FKBP9: variants seen among roughly 807,000 people sequenced by gnomAD.
The protein encoded by FKBP9 is FKBP prolyl isomerase 9.
Under a neutral mutation model 55.6 loss-of-function variants are expected in FKBP9, and 27 were observed. That is an observed-to-expected ratio of 0.49 (90% confidence interval 0.36 to 0.67). The LOEUF (loss-of-function observed/expected upper bound fraction) is 0.67, where lower values mean the gene tolerates loss of function less well. Among genes scored for constraint, FKBP9 ranks in the 30% least tolerant of loss-of-function variants. The pLI, the probability that FKBP9 is intolerant of heterozygous loss-of-function variation, is 0.00. For missense variants in FKBP9, 539 were observed against 742.8 expected, an observed-to-expected ratio of 0.73 and a Z score of 3.19; for synonymous variants, 267 against 296.5, an observed-to-expected ratio of 0.90 and a Z score of 1.02.
intron 1 of FKBP9, among the ~76,000 whole-genome samples, chr7:32,965,872 C>CATAT (rs375541462): frequency 6.8e-5 from 5 of 73,406 alleles, no homozygotes; most frequent in Admixed American, 1.7e-4. Flanking sequence ...TATATACATA[C>CATAT]ATATATATAT....
At chr7:32,959,413 CAAAACAA>C (rs1428084861) in intron 1 of FKBP9, among the ~76,000 whole-genome samples, 4 of 152,036 alleles carry the variant, frequency 2.6e-5, no homozygotes, top group Non-Finnish European at 4.4e-5. Flanking sequence ...AAAAACAAAA[CAAAACAA>C]AAAACAAAAA....
chr7:33,000,785 CT>C (rs139609619), intron 8 of FKBP9, among the ~76,000 whole-genome samples: 6 of 149,196 alleles, frequency 4.0e-5, no homozygotes, highest in South Asian at 2.1e-4. Flanking sequence ...GATTCAATAA[CT>C]TTTTTTTTTT....
At chr7:32,991,427 G>A (rs1481409006) in intron 6 of FKBP9, among the ~76,000 whole-genome samples, 1 of 152,160 alleles carries the variant, frequency 6.6e-6, no homozygotes, top group African/African-American at 2.4e-5. Context: ...TGGCCTCTTT[G>A]TGGGGGTTAC....
chr7:32,976,795 G>A (rs1448121912), intron 4 of FKBP9, among the ~76,000 whole-genome samples: 1 of 152,188 alleles, frequency 6.6e-6, no homozygotes, highest in East Asian at 1.9e-4. Flanking sequence ...CTATTTGACA[G>A]TGCTAGTCTG....
chr7:32,957,577 G>A lies in FKBP9; in HGVS notation c.4G>A (p.Ala2Thr), dbSNP rs1004557247. Residue 2 changes from alanine (A) to threonine (T), a missense_variant, in exon 1 of 10, where the codon GCG (alanine) becomes ACG (threonine). By Grantham distance (58) the Ala-to-Thr change is moderately conservative. Transcript: ENST00000242209. Reference sequence around the variant, plus strand: ...CGCCACTCTTCTCGCCGCCCCGATGGCGTTCCGGGGCTGGAGGCCCCCGCC... The same window carrying A: ...CGCCACTCTTCTCGCCGCCCCGATGACGTTCCGGGGCTGGAGGCCCCCGCC... The part of the protein sequence containing the change: M[A>T]FRGWRPPPPP... 3 of 1,464,360 alleles carry A rather than the reference G, an allele frequency of 2.0e-6. No homozygotes were observed. The highest frequency in any genetic ancestry group is 3.0e-5 in the African/African-American group (2 of 67,748). The allele number at this position is 1,464,360 out of a possible 1,614,324, so 90.7% of individuals were successfully genotyped here.
rs1373992928 is a variant in FKBP9 at position 32,991,462 on chromosome 7, G to A, written c.1039+2810G>A. ...CATAGGAGCTCGTGCTGATCCCTGA[G>A]GGGCTGACCCGAGAGGGGTCAGGAT... On this transcript the variant is annotated intron_variant, in intron 6 of 9. Transcript: ENST00000242209. 2.0e-5 allele frequency among the ~76,000 whole-genome samples: 3 copies of A among 152,226 alleles called. No homozygotes were observed. In the East Asian group the frequency reaches 5.8e-4, roughly 29 times the overall value.
chr7:32,996,422 T>G (rs927834255), intron 7 of FKBP9, 73 bp downstream of exon 7: 82 of 954,136 alleles, frequency 8.6e-5, no homozygotes, highest in Non-Finnish European at 1.1e-4. Flanking sequence ...TCCTCCTCTC[T>G]TGGGTAGATG....
intron 6 of FKBP9, among the ~76,000 whole-genome samples, chr7:32,993,475 T>C (rs1291418871): frequency 6.6e-6 from 1 of 152,238 alleles, no homozygotes; most frequent in Non-Finnish European, 1.5e-5. Context: ...TCTTTCTGTG[T>C]CTGTCTTATT....
chr7:33,003,585 C>T (rs994284974), intron 9 of FKBP9, among the ~76,000 whole-genome samples: 1 of 152,216 alleles, frequency 6.6e-6, no homozygotes, highest in African/African-American at 2.4e-5. Context: ...GCCTCTGAGC[C>T]TGACCTTGCC....
chr7:32,966,440 G>T (rs1002274686), intron 1 of FKBP9, among the ~76,000 whole-genome samples: 8 of 152,248 alleles, frequency 5.3e-5, no homozygotes, highest in African/African-American at 1.9e-4. Context: ...GGAGGGTGTT[G>T]GATGTGCTAG....
chr7:32,961,173 A>G (rs1466162908), intron 1 of FKBP9, among the ~76,000 whole-genome samples: 2 of 152,302 alleles, frequency 1.3e-5, no homozygotes, highest in Non-Finnish European at 2.9e-5. Flanking sequence ...TTAGGATGGA[A>G]TCCTGGTATG....
At chr7:32,990,645 A>T (rs898726650) in intron 6 of FKBP9, among the ~76,000 whole-genome samples, 1 of 152,212 alleles carries the variant, frequency 6.6e-6, no homozygotes, top group Non-Finnish European at 1.5e-5. Context: ...CTCTTCACCT[A>T]ATTTGTGGTG....
Position 32,996,328 on chromosome 7 carries a change from A to G in FKBP9, c.1205A>G (p.Asp402Gly), listed in dbSNP as rs974489081. The part of the protein sequence containing the change: ...LKYHYNASLL[D>G]GTLLDSTWNL... ...TATCACTACAATGCCTCACTTCTGG[A>G]TGGGACCCTGCTGGACTCCACGTAA... The change falls in exon 7 of 10, where the codon GAT becomes GGT. Residue 402 changes from aspartate to glycine, a missense_variant. By Grantham distance (94) the Asp-to-Gly change is moderately conservative. Coordinates refer to ENST00000242209, the MANE Select transcript of FKBP9 (RefSeq NM_007270.5). The G allele has an allele frequency of 8.1e-6, 13 of 1,613,542 alleles. No individual in the cohort carries two copies. The highest frequency in any genetic ancestry group is 1.3e-5 in the African/African-American group (1 of 74,900).
chr7:32,971,377 A>C (rs566997121), intron 1 of FKBP9, among the ~76,000 whole-genome samples: 1 of 152,346 alleles, frequency 6.6e-6, no homozygotes, highest in South Asian at 2.1e-4. Context: ...TTTGGTGCTT[A>C]ATTGTTCACA....
At chr7:32,993,384 C>T (rs1195140170) in intron 6 of FKBP9, among the ~76,000 whole-genome samples, 1 of 152,190 alleles carries the variant, frequency 6.6e-6, no homozygotes, top group African/African-American at 2.4e-5. Flanking sequence ...TCCTATCAAC[C>T]TCTGACAACC....
intron 1 of FKBP9, among the ~76,000 whole-genome samples, chr7:32,965,834 T>TGTGTACAC (rs1169736796): frequency 6.9e-4 from 37 of 53,588 alleles, no homozygotes; most frequent in East Asian, 2.8e-3. Flanking sequence ...TATATATATA[T>TGTGTACAC]ATATATATAT....
In FKBP9 at chr7:32,975,220, G is replaced by A. The variant is rs375139220; in HGVS notation, c.406G>A (p.Val136Ile). The A allele has an allele frequency of 1.9e-6, 3 of 1,613,694 alleles. No individual in the cohort carries two copies. Among genetic ancestry groups the A allele is most frequent in the South Asian group, 1.1e-5 (1 of 91,070 alleles). ...IPPNSVLHFD[V>I]LLMDIWNSED... is the part of the protein sequence containing the mutation. Reference sequence around the variant, plus strand: ...CCCCAATTCAGTGCTTCATTTTGATGTACTTCTGATGGATATTTGGAATTC... The same window carrying A: ...CCCCAATTCAGTGCTTCATTTTGATATACTTCTGATGGATATTTGGAATTC... Residue 136 changes from valine (V) to isoleucine (I), a missense_variant, in exon 3 of 10, where the codon GTA (valine) becomes ATA (isoleucine). Coordinates refer to ENST00000242209, the MANE Select transcript of FKBP9 (RefSeq NM_007270.5).
chr7:32,957,820 G>T (rs373970328), intron 1 of FKBP9, 26 bp downstream of exon 1: 1 of 1,407,638 alleles, frequency 7.1e-7, no homozygotes, highest in Non-Finnish European at 9.3e-7. Context: ...CGCCCGGCGC[G>T]GCCTCAGCGG....
chr7:32,980,451 A>G lies in FKBP9; in HGVS notation c.791A>G (p.Asn264Ser), dbSNP rs776747559. Residue 264 changes from asparagine (N) to serine (S), a missense_variant, in exon 5 of 10, where the codon AAC (asparagine) becomes AGC (serine). By Grantham distance (46) the Asn-to-Ser change is conservative. Around this residue, in one of 4 missense-constraint regions of FKBP9, gnomAD observed 172 missense variants for 205.3 expected, o/e 0.84. Coordinates refer to ENST00000242209, the MANE Select transcript of FKBP9 (RefSeq NM_007270.5). ...CCCAAGGACAGCATTTCCATTGAGA[A>G]CAAGGTAGTACCTGAAAACTGTGAG... The part of the protein sequence containing the change: ...HNPKDSISIE[N>S]KVVPENCERI... 3.1e-6 allele frequency: 5 copies of G among 1,613,776 alleles called. No individual in the cohort carries two copies. The African/African-American group carries it at 5.3e-5, about 17-fold the overall frequency.
Sources: gnomAD v4.1 joint callset for allele counts (sites outside exome capture counted in the v4.1 genomes callset) on GRCh38, gnomAD v4.1.1 for gene constraint, gnomAD v4.1.1 regional missense constraint, MANE v1.5 for transcripts, NCBI Gene and HGNC (gene_info 2026-07-23, HGNC 2026-07-21) for gene names.